Variants in KIRREL3 observed in about 807,000 individuals in gnomAD.
KIRREL3 encodes kin of IRRE-like protein 3.
In KIRREL3, 36 loss-of-function variants were observed where a neutral mutation model predicts 89.7. That is an observed-to-expected ratio of 0.40 (90% CI 0.31 to 0.53). The LOEUF is 0.53. Among genes scored for constraint, KIRREL3 ranks in the 20% least tolerant of loss-of-function variants. KIRREL3 has a pLI of 0.49. For missense variants in KIRREL3, 864 were observed against 1,056.6 expected, an observed-to-expected ratio of 0.82 and a Z score of 2.53; for synonymous variants, 445 against 441.4, an observed-to-expected ratio of 1.01 and a Z score of -0.10.
chr11:126,460,201 C>T (rs940254115), intron 6 of KIRREL3, among the ~76,000 whole-genome samples: 7 of 152,198 alleles, frequency 4.6e-5, no homozygotes, highest in South Asian at 2.1e-4. Context: ...GGGCGGTGAG[C>T]GCGGGGACAA....
Position 126,431,508 on chromosome 11 carries a change from A to ACGG in KIRREL3, c.1604_1606dup (p.Ala535dup). On this transcript the variant is annotated inframe_insertion, in exon 14 of 17. Coordinates refer to ENST00000525144, the MANE Select transcript of KIRREL3 (RefSeq NM_032531.4). This position sits in a 1 kb window ranked among gnomAD's most constrained non-coding sequence, Gnocchi z 7.1. ...AGCTCCTACGGCCACCCCAATGATG[A>ACGG]CGGCCATCGGCACAGACTCTGTGGG... The ACGG allele has an allele frequency of 6.2e-7, 1 of 1,613,814 alleles. No homozygotes were observed.
intron 1 of KIRREL3, among the ~76,000 whole-genome samples, chr11:126,659,832 G>T (rs1945313202): frequency 6.6e-6 from 1 of 152,174 alleles, no homozygotes; most frequent in South Asian, 2.1e-4. Context: ...CAAGCTCGTG[G>T]GTGATTCTTA....
Position 126,772,173 on chromosome 11 carries a change from G to C in KIRREL3, c.56-209261C>G, listed in dbSNP as rs1950039016. ...TTCCTCAACCTGAGCAGGTTCATAT[G>C]GTTTTGCTGAATTCTCCAAGTGTTA... On this transcript the variant is annotated intron_variant, in intron 1 of 16. Coordinates refer to ENST00000525144, the MANE Select transcript of KIRREL3 (RefSeq NM_032531.4). This position sits in a 1 kb window ranked among gnomAD's most constrained non-coding sequence, Gnocchi z 4.6. Among the ~76,000 whole-genome samples the C allele has an allele frequency of 6.6e-6, 1 of 152,174 alleles. No homozygotes were observed. Among genetic ancestry groups the C allele is most frequent in the African/African-American group, 2.4e-5 (1 of 41,444 alleles).
chr11:126,430,876 G>A lies in KIRREL3; in HGVS notation c.1696+543C>T. The A allele has an allele frequency of 3.1e-6, 2 of 644,132 alleles. No homozygotes were observed. Among genetic ancestry groups the A allele is most frequent in the Non-Finnish European group, 3.9e-6 (2 of 514,438 alleles). The allele number at this position is 644,132 out of a possible 1,614,324, so 39.9% of individuals were successfully genotyped here. On this transcript the variant is annotated intron_variant, in intron 14 of 16. Coordinates refer to ENST00000525144, the MANE Select transcript of KIRREL3 (RefSeq NM_032531.4). The surrounding 1 kb of genome is among the most constrained non-coding windows in gnomAD (Gnocchi z 6.6). ...CAATCTCTCACACGTTATCTCCTCG[G>A]TGCACGCAATTCTTCAAGCGTGCAC...
At chr11:126,972,042 A>G (rs1244763445) in intron 1 of KIRREL3, among the ~76,000 whole-genome samples, 1 of 152,202 alleles carries the variant, frequency 6.6e-6, no homozygotes, top group Non-Finnish European at 1.5e-5. Flanking sequence ...TCTTGTTTGG[A>G]AAGTTGAAAT....
At chr11:126,801,841 A>T (rs375079023) in intron 1 of KIRREL3, among the ~76,000 whole-genome samples, 1 of 152,198 alleles carries the variant, frequency 6.6e-6, no homozygotes, top group East Asian at 1.9e-4. Context: ...AGGATGAGGC[A>T]GGAGGATCGC....
In KIRREL3 at chr11:126,607,035, T is replaced by G. The variant is rs1488153884; in HGVS notation, c.56-44123A>C. Among the ~76,000 whole-genome samples, 2 of 152,180 alleles carry G rather than the reference T, an allele frequency of 1.3e-5. No homozygotes were observed. The highest frequency in any genetic ancestry group is 4.8e-5 in the African/African-American group (2 of 41,438). On this transcript the variant is annotated intron_variant, in intron 1 of 16. Transcript: ENST00000525144. The surrounding 1 kb of genome is among the most constrained non-coding windows in gnomAD (Gnocchi z 6.6). ...TAAATTGCATGCCACATGTTTATCC[T>G]TATTAAGCAGTTGTTCTCTTCCAAG...
rs576503093 is a variant in KIRREL3 at position 126,805,973 on chromosome 11, C to A, written c.55+194482G>T. On this transcript the variant is annotated intron_variant, in intron 1 of 16. Transcript: ENST00000525144. This position sits in a 1 kb window ranked among gnomAD's most constrained non-coding sequence, Gnocchi z 4.3. Reference sequence around the variant, plus strand: ...AATGTGCCTGTGCCCCCAAATCCTCCCTTCAATGACATCAACAAATTTAAA... The same window carrying A: ...AATGTGCCTGTGCCCCCAAATCCTCACTTCAATGACATCAACAAATTTAAA... Among the ~76,000 whole-genome samples the A allele has an allele frequency of 6.6e-6, 1 of 152,296 alleles. No individual in the cohort carries two copies. Among genetic ancestry groups the A allele is most frequent in the African/African-American group, 2.4e-5 (1 of 41,562 alleles).
chr11:126,834,309 A>C (rs1943706180), intron 1 of KIRREL3, among the ~76,000 whole-genome samples: 1 of 152,196 alleles, frequency 6.6e-6, no homozygotes, highest in African/African-American at 2.4e-5. Flanking sequence ...TACTTTCCAC[A>C]CAACTGCAGC....
rs751804665 is a variant in KIRREL3 at position 127,000,548 on chromosome 11, G to T, written c.-39C>A. On this transcript the variant is annotated 5_prime_UTR_variant, in exon 1 of 17. Coordinates refer to ENST00000525144, the MANE Select transcript of KIRREL3 (RefSeq NM_032531.4). The surrounding 1 kb of genome is among the most constrained non-coding windows in gnomAD (Gnocchi z 7.1). ...GAAGGAAAGCCGGCGGGGTAACTTGGCTGTGGTTAGTTTCTCTTCCTTGGC... is the reference window on the plus strand; with the variant it reads ...GAAGGAAAGCCGGCGGGGTAACTTGTCTGTGGTTAGTTTCTCTTCCTTGGC... 3.2e-6 allele frequency: 5 copies of T among 1,579,542 alleles called. No homozygotes were observed. Among genetic ancestry groups the T allele is most frequent in the Non-Finnish European group, 4.3e-6 (5 of 1,162,956 alleles).
intron 1 of KIRREL3, among the ~76,000 whole-genome samples, chr11:126,585,361 G>A (rs1941781656): frequency 6.8e-6 from 1 of 146,656 alleles, no homozygotes; most frequent in Non-Finnish European, 1.5e-5. Context: ...AGCCTCCCCA[G>A]TAGCTGGGAT....
rs1456000942 is a variant in KIRREL3, at chr11:126,734,102, A to G, written c.56-171190T>C. Among the ~76,000 whole-genome samples, 1 of 152,218 alleles carries G rather than the reference A, an allele frequency of 6.6e-6. No individual in the cohort carries two copies. The highest frequency in any genetic ancestry group is 1.5e-5 in the Non-Finnish European group (1 of 68,040). On this transcript the variant is annotated intron_variant, in intron 1 of 16. Coordinates refer to ENST00000525144, the MANE Select transcript of KIRREL3 (RefSeq NM_032531.4). This position sits in a 1 kb window ranked among gnomAD's most constrained non-coding sequence, Gnocchi z 5.9. ...GAACTACTGAGGCAGAAGCTGCATT[A>G]GAACAAGATCCCTAGGTGGTTTGTT...
chr11:126,626,005 T>A (rs751416058), intron 1 of KIRREL3, among the ~76,000 whole-genome samples: 2 of 152,244 alleles, frequency 1.3e-5, no homozygotes, highest in Non-Finnish European at 2.9e-5. Flanking sequence ...TTTGTCCTCT[T>A]GTTGGCATGC....
intron 1 of KIRREL3, among the ~76,000 whole-genome samples, chr11:126,716,362 C>A (rs1947962943): frequency 6.6e-6 from 1 of 152,072 alleles, no homozygotes; most frequent in South Asian, 2.1e-4. Context: ...GCTAACACCA[C>A]CTTGGTGTTA....
rs1026698420 is a variant in KIRREL3 at position 126,970,865 on chromosome 11, C to T, written c.55+29590G>A. 3.9e-5 allele frequency among the ~76,000 whole-genome samples: 6 copies of T among 152,176 alleles called. No homozygotes were observed. Among genetic ancestry groups the T allele is most frequent in the South Asian group, 2.1e-4 (1 of 4,826 alleles). ...TTGCAAATTAGGATCCAATGAGGCT[C>T]ACCTGCTGCCAGGTATCTACGCAGC... On this transcript the variant is annotated intron_variant, in intron 1 of 16. Coordinates refer to ENST00000525144, the MANE Select transcript of KIRREL3 (RefSeq NM_032531.4). This position sits in a 1 kb window ranked among gnomAD's most constrained non-coding sequence, Gnocchi z 4.4.
chr11:126,795,651 C>A lies in KIRREL3; in HGVS notation c.55+204804G>T, dbSNP rs976821758. ...CACCCTCCTCGGCCTCCCCAAGTGC[C>A]AGGATTACAGGAGTGAGCCACTGTG... On this transcript the variant is annotated intron_variant, in intron 1 of 16. Coordinates refer to ENST00000525144, the MANE Select transcript of KIRREL3 (RefSeq NM_032531.4). This position sits in a 1 kb window ranked among gnomAD's most constrained non-coding sequence, Gnocchi z 4.1. Among the ~76,000 whole-genome samples, 6 of 152,140 alleles carry A rather than the reference C, an allele frequency of 3.9e-5. No individual in the cohort carries two copies. The highest frequency in any genetic ancestry group is 1.5e-5 in the Non-Finnish European group (1 of 68,030).
intron 7 of KIRREL3, among the ~76,000 whole-genome samples, chr11:126,450,719 A>C (rs1591554524): frequency 9.0e-6 from 1 of 110,774 alleles, no homozygotes; most frequent in Non-Finnish European, 1.7e-5. Context: ...GAGTTTGTGC[A>C]TGTGTGAATG....
In KIRREL3 at chr11:126,489,294, C is replaced by G. The variant is rs1224239402; in HGVS notation, c.434-15828G>C. Among the ~76,000 whole-genome samples, 2 of 152,176 alleles carry G rather than the reference C, an allele frequency of 1.3e-5. No homozygotes were observed. Among genetic ancestry groups the G allele is most frequent in the East Asian group, 3.9e-4 (2 of 5,184 alleles). On this transcript the variant is annotated intron_variant, in intron 4 of 16. Transcript: ENST00000525144. This position sits in a 1 kb window ranked among gnomAD's most constrained non-coding sequence, Gnocchi z 5.5. ...CCCTGTCATGTTCCTCTTTGTCTCTCTCTCCTGCCCCAGCTCAGCCTGCAC... is the reference window on the plus strand; with the variant it reads ...CCCTGTCATGTTCCTCTTTGTCTCTGTCTCCTGCCCCAGCTCAGCCTGCAC...
In KIRREL3 at chr11:126,676,509, ATTGTT is replaced by A. The variant is rs1483061301; in HGVS notation, c.56-113602_56-113598del. On this transcript the variant is annotated intron_variant, in intron 1 of 16. Coordinates refer to ENST00000525144, the MANE Select transcript of KIRREL3 (RefSeq NM_032531.4). The surrounding 1 kb of genome is among the most constrained non-coding windows in gnomAD (Gnocchi z 4.5). ...TCAAATTTGCACCTGCAGATGTTGT[ATTGTT>A]TTGTTTTGTTTGAGTTGGGGGGAGA... 6.6e-6 allele frequency among the ~76,000 whole-genome samples: 1 copy of A among 151,884 alleles called. No individual in the cohort carries two copies. Among genetic ancestry groups the A allele is most frequent in the African/African-American group, 2.4e-5 (1 of 41,334 alleles).
Sources: allele counts gnomAD v4.1 joint callset (sites outside exome capture counted in the v4.1 genomes callset), GRCh38; gene constraint gnomAD v4.1.1; non-coding constraint Gnocchi (gnomAD v3.1); transcripts MANE v1.5; gene names NCBI Gene and HGNC (gene_info 2026-07-23, HGNC 2026-07-21).